The following IGDCC3 variants were observed in gnomAD, a reference collection of about 807,000 sequenced individuals.
IGDCC3 encodes the protein putative neuronal cell adhesion molecule.
In IGDCC3, 47 loss-of-function variants were observed where a neutral mutation model predicts 72.0. That is an observed-to-expected ratio of 0.65 (90% confidence interval 0.52 to 0.83). IGDCC3 has a LOEUF of 0.83. Ranked by LOEUF, IGDCC3 falls within the 40% of genes least tolerant of loss-of-function variation. The pLI, the probability that IGDCC3 is intolerant of heterozygous loss-of-function variation, is 0.00. For missense variants in IGDCC3, 1,038 were observed against 1,091.3 expected (o/e 0.95, Z 0.69); for synonymous variants, 477 against 472.8 (o/e 1.01, Z -0.11).
chr15:65,335,500 T>C (rs2141036645), intron 3 of IGDCC3, 79 bp from the exon 4 acceptor site: 1 of 1,436,618 alleles, frequency 7.0e-7, no homozygotes, highest in Non-Finnish European at 9.6e-7. Flanking sequence ...GCATCCAAGA[T>C]ACAGCCCAGG....
chr15:65,367,619 CT>C (rs2091295942), intron 2 of IGDCC3, among the ~76,000 whole-genome samples: 1 of 152,074 alleles, frequency 6.6e-6, no homozygotes, highest in Non-Finnish European at 1.5e-5. Context: ...AATGTAAGGC[CT>C]CCCGCCACCC....
intron 2 of IGDCC3, among the ~76,000 whole-genome samples, chr15:65,372,193 G>T (rs919618349): frequency 7.2e-5 from 11 of 152,188 alleles, no homozygotes; most frequent in African/African-American, 2.7e-4. Flanking sequence ...GCCAGGCAAA[G>T]TGTGGGGTGT....
rs1342253719 is a variant in IGDCC3, at chr15:65,375,321, T to C, written c.185A>G (p.Asp62Gly). The change falls in exon 2 of 14, where the codon GAC becomes GGC. Residue 62 changes from aspartate (D) to glycine (G), a missense_variant. By Grantham distance (94) the Asp-to-Gly change is moderately conservative. Coordinates refer to ENST00000327987, the MANE Select transcript of IGDCC3 (RefSeq NM_004884.4). ...VAVPGQPIVL[D>G]CRVEGTPPVR... ...TGGAGGGGTCCCCTCCACCCTGCAG[T>C]CCAGCACTATAGGCTGCCCGGGGAC... The C allele has an allele frequency of 6.2e-7, 1 of 1,613,976 alleles. No homozygotes were observed. The highest frequency in any genetic ancestry group is 8.5e-7 in the Non-Finnish European group (1 of 1,179,998).
Position 65,377,738 on chromosome 15 carries a change from C to T in IGDCC3, c.51G>A (p.Trp17Ter), listed in dbSNP as rs2091368647. The T allele has an allele frequency of 8.9e-6, 12 of 1,343,760 alleles. No individual in the cohort carries two copies. Among genetic ancestry groups the T allele is most frequent in the Non-Finnish European group, 1.1e-5 (12 of 1,052,438 alleles). 83.2% of individuals were successfully genotyped at this position (1,343,760 alleles called of 1,614,324 possible). A position where few individuals can be genotyped will look rare whatever the true frequency, so the allele number is the denominator to read the frequency against. Residue 17 changes from tryptophan to a stop codon, truncating the protein, a stop_gained, in exon 1 of 14, where the codon TGG (tryptophan) becomes TGA (stop). Coordinates refer to ENST00000327987, the MANE Select transcript of IGDCC3 (RefSeq NM_004884.4). LOFTEE classifies it high-confidence loss of function. The surrounding 1 kb of genome is among the most constrained non-coding windows in gnomAD (Gnocchi z 4.9). ...ACAGCAGCGGCAGCAGGAGCCGGGG[C>T]CAGAGCGGGGCGGGCGGGCGGCGCG... ...ASPRRPPAPL[W>*]PRLLLPLLLL...
At position 65,330,316 on chromosome 15, in the gene IGDCC3, A is replaced by G. The variant is rs2090964719; in HGVS notation, c.1835T>C (p.Leu612Ser). ...ACCTGTCCTCTCAGATGCTCCCCTC[A>G]AAGACACAAAGCGGACTGTGGCATT... ...DGNATVRFVS[L>S]RGASERTALS... The change falls in exon 11 of 14, where the codon TTG becomes TCG. Residue 612 changes from leucine (L) to serine (S), a missense_variant. Coordinates refer to ENST00000327987, the MANE Select transcript of IGDCC3 (RefSeq NM_004884.4). 6.2e-7 allele frequency: 1 copy of G among 1,613,740 alleles called. No individual in the cohort carries two copies. Among genetic ancestry groups the G allele is most frequent in the East Asian group, 2.2e-5 (1 of 44,874 alleles).
At chr15:65,343,034 T>C (rs983014209) in intron 2 of IGDCC3, among the ~76,000 whole-genome samples, 4 of 152,156 alleles carry the variant, frequency 2.6e-5, no homozygotes, top group Non-Finnish European at 4.4e-5. Context: ...TGTGGGATCT[T>C]GGGCAAGTGA....
At chr15:65,360,877 G>C (rs1296889761) in intron 2 of IGDCC3, among the ~76,000 whole-genome samples, 1 of 152,174 alleles carries the variant, frequency 6.6e-6, no homozygotes, top group Non-Finnish European at 1.5e-5. Context: ...CAAGGCTCAA[G>C]TGATTCTCCT....
At chr15:65,346,581 C>G (rs148071597) in intron 2 of IGDCC3, among the ~76,000 whole-genome samples, 1 of 152,208 alleles carries the variant, frequency 6.6e-6, no homozygotes, top group Non-Finnish European at 1.5e-5. Context: ...CTCAGCCTCC[C>G]GAGTAGCTGG....
intron 6 of IGDCC3, 26 bp from the exon 7 acceptor site, chr15:65,332,132 G>T (rs774366476): frequency 6.2e-7 from 1 of 1,603,610 alleles, no homozygotes. Context: ...GGAGGGTGGG[G>T]GCGCAGACAG....
chr15:65,353,893 T>C (rs987681813), intron 2 of IGDCC3, among the ~76,000 whole-genome samples: 8 of 152,156 alleles, frequency 5.3e-5, no homozygotes, highest in Non-Finnish European at 1.2e-4. Context: ...GGAGTAGCCA[T>C]TCTTTTATTC....
In IGDCC3 at chr15:65,370,618, G is replaced by GTATA. The variant is rs779669712; in HGVS notation, c.409+4478_409+4479insTATA. Among the ~76,000 whole-genome samples, 308 of 56,850 alleles carry GTATA rather than the reference G, an allele frequency of 5.4e-3. 3 individuals carry two copies. Among genetic ancestry groups the GTATA allele is most frequent in the Middle Eastern group, 0.018 (2 of 110 alleles). The allele number at this position is 56,850 out of a possible 152,430, so 37.3% of individuals were successfully genotyped here. Reference sequence around the variant, plus strand: ...TATATGTATGTGTATATATATGTATGTGTATATATATATATATATATATAT... The same window carrying GTATA: ...TATATGTATGTGTATATATATGTATGTATATGTATATATATATATATATATATAT... On this transcript the variant is annotated intron_variant, in intron 2 of 13. Transcript: ENST00000327987.
intron 2 of IGDCC3, among the ~76,000 whole-genome samples, chr15:65,348,883 T>C (rs2091149013): frequency 6.6e-6 from 1 of 152,186 alleles, no homozygotes; most frequent in Non-Finnish European, 1.5e-5. Flanking sequence ...TCTTGGGACA[T>C]GGGGAGCTTT....
At chr15:65,363,235 A>G (rs1194625984) in intron 2 of IGDCC3, among the ~76,000 whole-genome samples, 1 of 152,068 alleles carries the variant, frequency 6.6e-6, no homozygotes, top group Non-Finnish European at 1.5e-5. Flanking sequence ...TTAGGTTGGG[A>G]GGGAAACATA....
intron 8 of IGDCC3, 57 bp from the exon 9 acceptor site, chr15:65,331,271 A>G (rs2141031996): frequency 1.9e-6 from 3 of 1,594,862 alleles, no homozygotes; most frequent in Admixed American, 1.7e-5. Context: ...TCCTGCCAGC[A>G]TTGGTGAAAT....
chr15:65,374,769 A>T (rs1427474087), intron 2 of IGDCC3, among the ~76,000 whole-genome samples: 1 of 152,160 alleles, frequency 6.6e-6, no homozygotes, highest in Non-Finnish European at 1.5e-5. Flanking sequence ...CAAGAATCAA[A>T]CTCAGTGCAC....
At position 65,377,619 on chromosome 15, in the gene IGDCC3, C is replaced by A; in HGVS notation, c.103+67G>T. Reference sequence around the variant, plus strand: ...TCCCCGGGTCCGCCCCTCGCGCCCGCTCCCTCCCTGCTCGCCCTTCCCCTG... The same window carrying A: ...TCCCCGGGTCCGCCCCTCGCGCCCGATCCCTCCCTGCTCGCCCTTCCCCTG... On this transcript the variant is annotated intron_variant, in intron 1 of 13. Transcript: ENST00000327987. The surrounding 1 kb of genome is among the most constrained non-coding windows in gnomAD (Gnocchi z 4.9). 7.5e-7 allele frequency: 1 copy of A among 1,340,008 alleles called. No individual in the cohort carries two copies. Among genetic ancestry groups the A allele is most frequent in the Non-Finnish European group, 9.6e-7 (1 of 1,046,756 alleles). The allele number at this position is 1,340,008 out of a possible 1,614,324, so 83.0% of individuals were successfully genotyped here. A position where few individuals can be genotyped will look rare whatever the true frequency, so the allele number is the denominator to read the frequency against.
At position 65,377,310 on chromosome 15, in the gene IGDCC3, G is replaced by A. The variant is rs151171076; in HGVS notation, c.103+376C>T. On this transcript the variant is annotated intron_variant, in intron 1 of 13. Transcript: ENST00000327987. This position sits in a 1 kb window ranked among gnomAD's most constrained non-coding sequence, Gnocchi z 4.9. ...GCTGCCTCGGGCTATGTCCACGGCC[G>A]GGCACCCAGCACCCCAGCTCGTCCG... is the stretch of plus-strand genomic sequence containing the variant. Among the ~76,000 whole-genome samples, 1 of 152,112 alleles carries A rather than the reference G, an allele frequency of 6.6e-6. No individual in the cohort carries two copies. The highest frequency in any genetic ancestry group is 2.4e-5 in the African/African-American group (1 of 41,412).
At chr15:65,332,260 C>T (rs1299890780) in intron 6 of IGDCC3, among the ~76,000 whole-genome samples, 154 bp from the exon 7 acceptor site, 1 of 152,142 alleles carries the variant, frequency 6.6e-6, no homozygotes, top group Non-Finnish European at 1.5e-5. Flanking sequence ...AGGTGGGGCC[C>T]AGCCTCTACT....
chr15:65,365,235 C>G (rs1016606639), intron 2 of IGDCC3, among the ~76,000 whole-genome samples: 1 of 151,946 alleles, frequency 6.6e-6, no homozygotes, highest in Non-Finnish European at 1.5e-5. Context: ...CTGCAGCCTG[C>G]GACTCAATGA....
Sources: allele counts gnomAD v4.1 joint callset (sites outside exome capture counted in the v4.1 genomes callset), GRCh38; gene constraint gnomAD v4.1.1; non-coding constraint Gnocchi (gnomAD v3.1); transcripts MANE v1.5; gene names NCBI Gene and HGNC (gene_info 2026-07-23, HGNC 2026-07-21).